The following SMCR8 variants were observed in gnomAD, a reference collection of about 807,000 sequenced individuals.
SMCR8 encodes SMCR8-C9orf72 complex subunit, also known as guanine nucleotide exchange protein SMCR8.
A neutral mutation model predicts 56.6 loss-of-function variants in SMCR8; 30 were observed. That is an observed-to-expected ratio of 0.53 (90% CI 0.40 to 0.72). The LOEUF is 0.72. Among genes scored for constraint, SMCR8 ranks in the 30% least tolerant of loss-of-function variants. The pLI, the probability that SMCR8 is intolerant of heterozygous loss-of-function variation, is 0.00. For missense variants in SMCR8, 1,198 were observed against 1,157.0 expected (o/e 1.04, Z -0.51); for synonymous variants, 538 against 456.0 (o/e 1.18, Z -2.29).
intron 1 of SMCR8, among the ~76,000 whole-genome samples, chr17:18,319,051 T>C (rs1982420133): frequency 6.6e-6 from 1 of 152,190 alleles, no homozygotes; most frequent in African/African-American, 2.4e-5. Flanking sequence ...TGGGATGGGC[T>C]ACAGCTCACC....
In SMCR8 at chr17:18,316,212, A is replaced by G. The variant is rs961006184; in HGVS notation, c.423A>G (p.Leu141=). 2.5e-6 allele frequency: 4 copies of G among 1,613,696 alleles called. No homozygotes were observed. Among genetic ancestry groups the G allele is most frequent in the East Asian group, 4.5e-5 (2 of 44,898 alleles). ...TTGCATACGTGCACCACCTTACCCT[A>G]TACGACCTGGAGGCCCGTGGCTTCG... The part of the protein sequence containing the change: ...GAFAYVHHLT[L]YDLEARGFVR... The change falls in exon 1 of 2, where the codon CTA becomes CTG. Residue 141 remains leucine, a synonymous_variant. Transcript: ENST00000406438.
Position 18,326,683 on chromosome 17 carries a change from AT to A in SMCR8, c.*3616del, listed in dbSNP as rs1555574695. 6 of 152,394 alleles carry A rather than the reference AT, an allele frequency of 3.9e-5. No individual in the cohort carries two copies. The highest frequency in any genetic ancestry group is 1.9e-4 in the East Asian group (1 of 5,188). The allele number at this position is 152,394 out of a possible 1,614,324, so 9.4% of individuals were successfully genotyped here. A position where few individuals can be genotyped will look rare whatever the true frequency, so the allele number is the denominator to read the frequency against. ...TTTACAATCCTAGGAAGGCCCACCA[AT>A]TTCATTTCACGCGCCAGGGCGGCTG... On this transcript the variant is annotated 3_prime_UTR_variant, in exon 2 of 2. Transcript: ENST00000406438.
At chr17:18,320,986 T>A (rs1277272875) in intron 1 of SMCR8, among the ~76,000 whole-genome samples, 1 of 152,180 alleles carries the variant, frequency 6.6e-6, no homozygotes, top group East Asian at 1.9e-4. Context: ...TGCACATTTC[T>A]TTTTTTCTCA....
Position 18,316,182 on chromosome 17 carries a change from C to A in SMCR8, c.393C>A (p.Gly131=). ...TGGTGCTGGGAGATTCTAAGGAGGG[C>A]GCCTTTGCATACGTGCACCACCTTA... ...SKVVLGDSKE[G]AFAYVHHLTL... Residue 131 remains glycine, a synonymous_variant, in exon 1 of 2, where the codon GGC becomes GGA. Transcript: ENST00000406438. 1 of 1,614,016 alleles carries A rather than the reference C, an allele frequency of 6.2e-7. No individual in the cohort carries two copies. Among genetic ancestry groups the A allele is most frequent in the Non-Finnish European group, 8.5e-7 (1 of 1,180,026 alleles).
rs1329494889 is a variant in SMCR8, at chr17:18,327,491, A to G, written c.*4421A>G. On this transcript the variant is annotated 3_prime_UTR_variant, in exon 2 of 2. Transcript: ENST00000406438. ...TCACAGATTCTGCAGCAGCTGCTCC[A>G]CCCACAATAAAGCAAACGCCGACAG... 1 of 152,218 alleles carries G rather than the reference A, an allele frequency of 6.6e-6. No individual in the cohort carries two copies. Among genetic ancestry groups the G allele is most frequent in the Admixed American group, 6.5e-5 (1 of 15,274 alleles). The allele number at this position is 152,218 out of a possible 1,614,324, so 9.4% of individuals were successfully genotyped here.
At chr17:18,322,553 C>CA in intron 1 of SMCR8, 64 bp from the exon 2 acceptor site, 1 of 1,505,614 alleles carries the variant, frequency 6.6e-7, no homozygotes, top group Non-Finnish European at 9.1e-7. Context: ...CCTCACCTCC[C>CA]AAGCTTCTGC....
chr17:18,318,405 T>C (rs1193610754), intron 1 of SMCR8, among the ~76,000 whole-genome samples: 1 of 152,200 alleles, frequency 6.6e-6, no homozygotes. Context: ...GTTTTTATTT[T>C]TATTTTTATT....
In SMCR8 at chr17:18,323,157, G is replaced by A; in HGVS notation, c.*87G>A. 8.3e-7 allele frequency: 1 copy of A among 1,206,494 alleles called. No homozygotes were observed. 74.7% of individuals were successfully genotyped at this position (1,206,494 alleles called of 1,614,324 possible). A position where few individuals can be genotyped will look rare whatever the true frequency, so the allele number is the denominator to read the frequency against. On this transcript the variant is annotated 3_prime_UTR_variant, in exon 2 of 2. Coordinates refer to ENST00000406438, the MANE Select transcript of SMCR8 (RefSeq NM_144775.3). ...GCATGACCAAACAGTTGCCTGAGCT[G>A]GACTGTTTAAGTTTCTGGTGTCTGG... is the stretch of plus-strand genomic sequence containing the variant.
chr17:18,322,519 G>T (rs1452375668), intron 1 of SMCR8, 98 bp from the exon 2 acceptor site: 1 of 1,074,126 alleles, frequency 9.3e-7, no homozygotes, highest in African/African-American at 1.6e-5. Context: ...CTGGCTAGGT[G>T]GATGCTGGCC....
intron 1 of SMCR8, among the ~76,000 whole-genome samples, chr17:18,322,412 C>T (rs1000605820): frequency 1.4e-4 from 22 of 152,304 alleles, no homozygotes; most frequent in Non-Finnish European, 2.5e-4. Flanking sequence ...GCTTTGTGGG[C>T]CACCCAGCGT....
intron 1 of SMCR8, among the ~76,000 whole-genome samples, chr17:18,319,590 G>T (rs1982437466): frequency 6.6e-6 from 1 of 152,132 alleles, no homozygotes. Context: ...CACCAGTCTT[G>T]CTGGCCCTTG....
At chr17:18,319,390 G>C (rs893140767) in intron 1 of SMCR8, among the ~76,000 whole-genome samples, 4 of 152,130 alleles carry the variant, frequency 2.6e-5, no homozygotes, top group African/African-American at 9.7e-5. Context: ...GGCAGACTGG[G>C]GCCTACCTGA....
rs770867783 is a variant in SMCR8 at position 18,315,865 on chromosome 17, C to T, written c.76C>T (p.Leu26=). The change falls in exon 1 of 2, where the codon CTG becomes TTG. Residue 26 remains leucine (L), a synonymous_variant. Coordinates refer to ENST00000406438, the MANE Select transcript of SMCR8 (RefSeq NM_144775.3). ...AGAAGAGCCTTACAATGAGCCGGCC[C>T]TGCCTGAGGAGTACTCGGTGCCGCT... is the stretch of plus-strand genomic sequence containing the variant. ...YEEEPYNEPA[L]PEEYSVPLFP... The T allele has an allele frequency of 6.2e-7, 1 of 1,614,078 alleles. No homozygotes were observed. The highest frequency in any genetic ancestry group is 1.6e-4 in the Middle Eastern group (1 of 6,062).
Position 18,316,521 on chromosome 17 carries a change from T to C in SMCR8, c.732T>C (p.Ile244=), listed in dbSNP as rs3829956. The C allele has an allele frequency of 0.24, 381,974 of 1,613,994 alleles. 46,025 individuals carry two copies. The highest frequency in any genetic ancestry group is 0.28 in the Middle Eastern group (1,689 of 6,062). Residue 244 remains isoleucine, a synonymous_variant, in exon 1 of 2, where the codon ATT becomes ATC. Transcript: ENST00000406438. ...TGGCCAGTGTGGAGAAGTCCATCAT[T>C]GAACATCAAGACCTGCTGAAGCAGA... ...NELASVEKSI[I]EHQDLLKQIR...
chr17:18,320,842 C>T (rs1982475896), intron 1 of SMCR8, among the ~76,000 whole-genome samples: 1 of 152,218 alleles, frequency 6.6e-6, no homozygotes, highest in Non-Finnish European at 1.5e-5. Flanking sequence ...CTGCCACACC[C>T]TCCTCAGTCC....
chr17:18,321,725 G>T (rs557486825), intron 1 of SMCR8, among the ~76,000 whole-genome samples: 10 of 152,304 alleles, frequency 6.6e-5, no homozygotes, highest in African/African-American at 9.6e-5. Flanking sequence ...CCAAATACTT[G>T]GGAGGCCAAG....
At position 18,326,212 on chromosome 17, in the gene SMCR8, AG is replaced by A. The variant is rs1982648122; in HGVS notation, c.*3144del. 6.6e-6 allele frequency: 1 copy of A among 152,194 alleles called. No individual in the cohort carries two copies. Among genetic ancestry groups the A allele is most frequent in the Non-Finnish European group, 1.5e-5 (1 of 68,040 alleles). 9.4% of individuals were successfully genotyped at this position (152,194 alleles called of 1,614,324 possible). ...GTCCTCACTATTGCTTTGAGGGCCC[AG>A]GTACTGAAACTGGTTGTCTTGAGTT... On this transcript the variant is annotated 3_prime_UTR_variant, in exon 2 of 2. Coordinates refer to ENST00000406438, the MANE Select transcript of SMCR8 (RefSeq NM_144775.3).
intron 1 of SMCR8, among the ~76,000 whole-genome samples, chr17:18,321,211 A>G (rs1329171130): frequency 2.6e-5 from 4 of 152,156 alleles, no homozygotes; most frequent in Non-Finnish European, 4.4e-5. Flanking sequence ...TAAACCCTAA[A>G]TGTCTGGGCC....
Position 18,317,664 on chromosome 17 carries a change from G to A in SMCR8, c.1875G>A (p.Gly625=), listed in dbSNP as rs961846434. 6.2e-7 allele frequency: 1 copy of A among 1,614,214 alleles called. No individual in the cohort carries two copies. The highest frequency in any genetic ancestry group is 1.1e-5 in the South Asian group (1 of 91,082). The change falls in exon 1 of 2, where the codon GGG becomes GGA. Residue 625 remains glycine (G), a synonymous_variant. Transcript: ENST00000406438. ...PPQRHRQKDQ[G]FRVDFSVENA... is the part of the protein sequence containing the mutation. ...AGCGCCACAGGCAGAAGGACCAGGG[G>A]TTCCGTGTAGACTTTTCAGTGGAAA...
Sources: allele counts gnomAD v4.1 joint callset (sites outside exome capture counted in the v4.1 genomes callset), GRCh38; gene constraint gnomAD v4.1.1; transcripts MANE v1.5; gene names NCBI Gene and HGNC (gene_info 2026-07-23, HGNC 2026-07-21).